Variants in SPINT2 observed in about 807,000 individuals in gnomAD.
SPINT2 encodes the protein kunitz-type protease inhibitor 2.
A neutral mutation model predicts 30.1 loss-of-function variants in SPINT2; 18 were observed. The observed-to-expected ratio is 0.60, with a 90% CI of 0.41 to 0.89. The LOEUF (loss-of-function observed/expected upper bound fraction) is 0.89. Among genes scored for constraint, SPINT2 ranks in the 40% least tolerant of loss-of-function variants. The pLI is 0.00. For missense variants in SPINT2, 276 were observed against 334.3 expected (o/e 0.83, Z 1.36); for synonymous variants, 139 against 137.9 (o/e 1.01, Z -0.05).
chr19:38,284,502 C>G (rs1464044730), intron 2 of SPINT2, among the ~76,000 whole-genome samples: 2 of 152,194 alleles, frequency 1.3e-5, no homozygotes, highest in Admixed American at 6.5e-5. Context: ...GCAGAAGAAA[C>G]AGGCACCGTG....
intron 3 of SPINT2, chr19:38,288,370 C>T: frequency 3.2e-6 from 1 of 308,384 alleles, no homozygotes; most frequent in Non-Finnish European, 6.4e-6. Context: ...CTGTCCTCTG[C>T]CACCCCCGCC....
At chr19:38,279,999 A>G (rs1041582084) in intron 1 of SPINT2, among the ~76,000 whole-genome samples, 2 of 152,204 alleles carry the variant, frequency 1.3e-5, no homozygotes, top group Non-Finnish European at 2.9e-5. Flanking sequence ...GTGAAGTTCT[A>G]CCTTTCCTTC....
At chr19:38,273,635 C>G (rs957026108) in intron 1 of SPINT2, among the ~76,000 whole-genome samples, 1 of 152,208 alleles carries the variant, frequency 6.6e-6, no homozygotes, top group African/African-American at 2.4e-5. Context: ...CCACCAGTCC[C>G]TCCCTCTGGC....
intron 1 of SPINT2, among the ~76,000 whole-genome samples, chr19:38,272,822 C>G (rs567780456): frequency 6.6e-6 from 1 of 152,122 alleles, no homozygotes; most frequent in East Asian, 1.9e-4. Context: ...TGGGTTCAAG[C>G]GATTCTCCTG....
chr19:38,269,147 G>A (rs1163807052), intron 1 of SPINT2, among the ~76,000 whole-genome samples: 1 of 151,956 alleles, frequency 6.6e-6, no homozygotes, highest in Non-Finnish European at 1.5e-5. Flanking sequence ...GCCCAGTCTG[G>A]AGTGCAGTAG....
chr19:38,274,128 G>A (rs1968488986), intron 1 of SPINT2, among the ~76,000 whole-genome samples: 5 of 151,944 alleles, frequency 3.3e-5, no homozygotes. Context: ...CTACTTGGAG[G>A]CTGAGGTGGG....
chr19:38,274,067 C>CA (rs1968487928), intron 1 of SPINT2, among the ~76,000 whole-genome samples: 1 of 151,798 alleles, frequency 6.6e-6, no homozygotes, highest in African/African-American at 2.4e-5. Flanking sequence ...CTCGTTTCTA[C>CA]AAAAAATGCA....
intron 1 of SPINT2, among the ~76,000 whole-genome samples, chr19:38,271,416 C>T (rs1057376638): frequency 1.3e-5 from 2 of 151,836 alleles, no homozygotes; most frequent in African/African-American, 4.8e-5. Flanking sequence ...GGCGTGAACC[C>T]AGGAAGTGGA....
At chr19:38,288,230 T>G (rs1968666464) in intron 3 of SPINT2, among the ~76,000 whole-genome samples, 1 of 152,016 alleles carries the variant, frequency 6.6e-6, no homozygotes, top group Non-Finnish European at 1.5e-5. Context: ...CTCAGGCCCC[T>G]CCTTGCTGTG....
rs1968724007 is a variant in SPINT2 at position 38,291,868 on chromosome 19, G to A, written c.621G>A (p.Met207Ile). The change falls in exon 7 of 7, where the codon ATG becomes ATA. Residue 207 changes from methionine to isoleucine, a missense_variant. Coordinates refer to ENST00000301244, the MANE Select transcript of SPINT2 (RefSeq NM_021102.4). ...KVVVLAGLFVMVLILFLGASM... is the reference protein window; with the variant it reads ...KVVVLAGLFVIVLILFLGASM... ...TGGTTCTGGCGGGGCTGTTCGTGATGGTGTTGATCCTCTTCCTGGGAGCCT... is the reference window on the plus strand; with the variant it reads ...TGGTTCTGGCGGGGCTGTTCGTGATAGTGTTGATCCTCTTCCTGGGAGCCT... The A allele has an allele frequency of 1.9e-6, 3 of 1,613,260 alleles. No homozygotes were observed. The highest frequency in any genetic ancestry group is 2.5e-6 in the Non-Finnish European group (3 of 1,179,956).
In SPINT2 at chr19:38,290,394, G is replaced by T. The variant is rs1197921627; in HGVS notation, c.553+114G>T. ...TGCTGTTCTTGGGCCCACCAGGGCAGCAAGGCCTCTAAGCCCCAGAAAAGC... is the reference window on the plus strand; with the variant it reads ...TGCTGTTCTTGGGCCCACCAGGGCATCAAGGCCTCTAAGCCCCAGAAAAGC... On this transcript the variant is annotated intron_variant, in intron 5 of 6. Coordinates refer to ENST00000301244, the MANE Select transcript of SPINT2 (RefSeq NM_021102.4). This position sits in a 1 kb window ranked among gnomAD's most constrained non-coding sequence, Gnocchi z 4.3. The T allele has an allele frequency of 2.5e-6, 4 of 1,580,058 alleles. No individual in the cohort carries two copies. The highest frequency in any genetic ancestry group is 3.4e-6 in the Non-Finnish European group (4 of 1,162,058).
At chr19:38,276,767 T>C (rs1274318501) in intron 1 of SPINT2, among the ~76,000 whole-genome samples, 1 of 152,138 alleles carries the variant, frequency 6.6e-6, no homozygotes, top group Non-Finnish European at 1.5e-5. Flanking sequence ...ATGAGGGGTA[T>C]GCAAAGGGTT....
At chr19:38,280,788 G>C in intron 1 of SPINT2, among the ~76,000 whole-genome samples, 1 of 152,270 alleles carries the variant, frequency 6.6e-6, no homozygotes, top group East Asian at 1.9e-4. Flanking sequence ...GCCGGGTGTT[G>C]TTGGGCCCTC....
At chr19:38,267,652 G>A (rs891663065) in intron 1 of SPINT2, among the ~76,000 whole-genome samples, 1 of 151,876 alleles carries the variant, frequency 6.6e-6, no homozygotes, top group Non-Finnish European at 1.5e-5. Flanking sequence ...GAGGAAGCGG[G>A]GGGGCGAGGG....
At chr19:38,268,622 C>G (rs1032098311) in intron 1 of SPINT2, among the ~76,000 whole-genome samples, 1 of 152,204 alleles carries the variant, frequency 6.6e-6, no homozygotes, top group African/African-American at 2.4e-5. Flanking sequence ...CTCATCTCAG[C>G]TACTGCTTGC....
In SPINT2 at chr19:38,264,876, T is replaced by C; in HGVS notation, c.-17T>C. ...AACGGCTGGTGGCGTCGCCTGCGCG[T>C]CTCGGCTGAGCTGGCCATGGCGCAG... On this transcript the variant is annotated 5_prime_UTR_variant, in exon 1 of 7. Transcript: ENST00000301244. The C allele has an allele frequency of 6.5e-7, 1 of 1,532,262 alleles. No individual in the cohort carries two copies. The highest frequency in any genetic ancestry group is 8.7e-7 in the Non-Finnish European group (1 of 1,144,964). 94.9% of individuals were successfully genotyped at this position (1,532,262 alleles called of 1,614,324 possible). A position where few individuals can be genotyped will look rare whatever the true frequency, so the allele number is the denominator to read the frequency against.
chr19:38,272,891 T>A (rs979455365), intron 1 of SPINT2, among the ~76,000 whole-genome samples: 1 of 152,144 alleles, frequency 6.6e-6, no homozygotes, highest in Non-Finnish European at 1.5e-5. Context: ...GGCTCATTTT[T>A]TTGTATTTTT....
chr19:38,288,238 G>C (rs564362992), intron 3 of SPINT2, among the ~76,000 whole-genome samples: 1 of 152,150 alleles, frequency 6.6e-6, no homozygotes, highest in Non-Finnish European at 1.5e-5. Flanking sequence ...CCTCCTTGCT[G>C]TGCGGGCCTC....
At chr19:38,291,412 C>T (rs1459892303) in intron 6 of SPINT2, 4 of 173,392 alleles carry the variant, frequency 2.3e-5, no homozygotes, top group Non-Finnish European at 5.0e-5. Flanking sequence ...CCCTGCAGGG[C>T]CACGTCTTTC....
Sources: gnomAD v4.1 joint callset for allele counts (sites outside exome capture counted in the v4.1 genomes callset) on GRCh38, gnomAD v4.1.1 for gene constraint, Gnocchi (gnomAD v3.1) non-coding constraint, MANE v1.5 for transcripts, NCBI Gene and HGNC (gene_info 2026-07-23, HGNC 2026-07-21) for gene names.